The following MICU2 variants were observed in gnomAD, a reference collection of about 807,000 sequenced individuals.
MICU2 encodes calcium uptake protein 2, mitochondrial.
In MICU2, 64 loss-of-function variants were observed where a neutral mutation model predicts 60.4. That is an observed-to-expected ratio of 1.06 (90% CI 0.87 to 1.31). The LOEUF (loss-of-function observed/expected upper bound fraction) is 1.31. Among genes scored for constraint, MICU2 ranks in the 50% most tolerant of loss-of-function variants. MICU2 has a pLI of 0.00. For synonymous variants in MICU2, 201 were observed against 175.0 expected (o/e 1.15, Z -1.17); for missense variants, 569 against 531.0 (o/e 1.07, Z -0.70).
At chr13:21,510,204 AC>A in intron 7 of MICU2, 103 bp from the exon 8 acceptor site, 1 of 495,708 alleles carries the variant, frequency 2.0e-6, no homozygotes, top group Non-Finnish European at 3.2e-6. Flanking sequence ...GATTCTTCTT[AC>A]AGCAACAACA....
chr13:21,585,002 T>C (rs574589424), intron 1 of MICU2, among the ~76,000 whole-genome samples: 1 of 152,348 alleles, frequency 6.6e-6, no homozygotes, highest in South Asian at 2.1e-4. Context: ...AAATATACTT[T>C]GCTGTTACAA....
chr13:21,539,301 C>T lies in MICU2; in HGVS notation c.466+1G>A, dbSNP rs759889322. 13 of 1,613,054 alleles carry T rather than the reference C, an allele frequency of 8.1e-6. No homozygotes were observed. Among genetic ancestry groups the T allele is most frequent in the Non-Finnish European group, 1.1e-5 (13 of 1,179,584 alleles). ...GAAATTTAACAACAAACCAAAATTA[C>T]CTTTATCGCCAAGGTCTCTGAAAAA... On this transcript the variant is annotated splice_donor_variant, in intron 4 of 11. Transcript: ENST00000382374. LOFTEE classifies it high-confidence loss of function.
chr13:21,493,260 C>T lies in MICU2; in HGVS notation c.1294G>A (p.Gly432Ser). 7.5e-6 allele frequency: 12 copies of T among 1,600,642 alleles called. No individual in the cohort carries two copies. Among genetic ancestry groups the T allele is most frequent in the Non-Finnish European group, 8.5e-6 (10 of 1,174,956 alleles). ...VKEVWKQAGK[G>S]LF ...TATTATATCTTTTATTAAAAAAGAC[C>T]TTTTCCAGCTTGTTTCCAGACTTCT... is the stretch of plus-strand genomic sequence containing the variant. The change falls in exon 12 of 12, where the codon GGT (glycine) becomes AGT (serine). Residue 432 changes from glycine (G) to serine (S), a missense_variant. Gly to Ser is a moderately conservative substitution (Grantham distance 56). Coordinates refer to ENST00000382374, the MANE Select transcript of MICU2 (RefSeq NM_152726.3).
intron 5 of MICU2, 68 bp from the exon 6 acceptor site, chr13:21,521,395 C>T (rs1219235166): frequency 7.7e-7 from 1 of 1,306,310 alleles, no homozygotes; most frequent in Admixed American, 2.2e-5. Flanking sequence ...ATAGATAGGT[C>T]TTCAAATTTG....
intron 8 of MICU2, among the ~76,000 whole-genome samples, chr13:21,509,612 T>C (rs1031114295): frequency 6.6e-6 from 1 of 152,234 alleles, no homozygotes; most frequent in Non-Finnish European, 1.5e-5. Context: ...CAGCCAATCC[T>C]GTTCCAATCA....
intron 2 of MICU2, among the ~76,000 whole-genome samples, chr13:21,544,904 A>G: frequency 6.6e-6 from 1 of 152,160 alleles, no homozygotes; most frequent in South Asian, 2.1e-4. Context: ...CTCCCACCTC[A>G]GCCTCCCAAA....
At chr13:21,558,487 A>G (rs982876539) in intron 2 of MICU2, among the ~76,000 whole-genome samples, 2 of 152,170 alleles carry the variant, frequency 1.3e-5, no homozygotes, top group African/African-American at 4.8e-5. Context: ...ATGTCCTCCC[A>G]ATTACCTTTC....
At chr13:21,516,221 T>G (rs936354947) in intron 6 of MICU2, among the ~76,000 whole-genome samples, 1 of 152,226 alleles carries the variant, frequency 6.6e-6, no homozygotes, top group Non-Finnish European at 1.5e-5. Context: ...CAATCCTGGT[T>G]TCTCTTTTAT....
intron 6 of MICU2, among the ~76,000 whole-genome samples, chr13:21,517,770 G>GACACACACACACACACAC (rs374373614): frequency 2.8e-5 from 4 of 144,504 alleles, no homozygotes; most frequent in African/African-American, 1.0e-4. Flanking sequence ...ACAGAGCGAG[G>GACACACACACACACACAC]ACACACACAC....
intron 2 of MICU2, among the ~76,000 whole-genome samples, chr13:21,549,180 T>C (rs547166160): frequency 7.5e-4 from 114 of 152,134 alleles, no homozygotes; most frequent in Non-Finnish European, 1.4e-3. Flanking sequence ...CCGCCCGCCT[T>C]GGCCTCCCAA....
At chr13:21,584,932 G>T (rs1888426356) in intron 1 of MICU2, among the ~76,000 whole-genome samples, 1 of 152,110 alleles carries the variant, frequency 6.6e-6, no homozygotes, top group African/African-American at 2.4e-5. Flanking sequence ...TATAGAACAA[G>T]AACAAACAGT....
chr13:21,578,787 A>C (rs756740310), intron 1 of MICU2, among the ~76,000 whole-genome samples: 29 of 152,196 alleles, frequency 1.9e-4, no homozygotes, highest in Non-Finnish European at 3.5e-4. Context: ...AAATTACTGC[A>C]TATTGCTAAT....
chr13:21,586,661 C>G (rs912771862), intron 1 of MICU2, among the ~76,000 whole-genome samples: 9 of 152,142 alleles, frequency 5.9e-5, no homozygotes, highest in African/African-American at 1.9e-4. Context: ...ATCCTCCTGC[C>G]TCGGCCTTCA....
intron 1 of MICU2, among the ~76,000 whole-genome samples, chr13:21,579,339 C>G (rs1477744917): frequency 8.8e-6 from 1 of 113,738 alleles, no homozygotes; most frequent in East Asian, 3.6e-4. Flanking sequence ...AAGCAAAGCT[C>G]TGCCTTTTTT....
chr13:21,588,828 C>T (rs1202315773), intron 1 of MICU2, among the ~76,000 whole-genome samples: 3 of 152,144 alleles, frequency 2.0e-5, no homozygotes, highest in Non-Finnish European at 4.4e-5. Context: ...TGTTTAGACA[C>T]AATTAGAATC....
At chr13:21,579,726 T>C (rs1888306262) in intron 1 of MICU2, among the ~76,000 whole-genome samples, 1 of 152,206 alleles carries the variant, frequency 6.6e-6, no homozygotes, top group Non-Finnish European at 1.5e-5. Context: ...TCTCCCTTTC[T>C]GCTTTTACCT....
At chr13:21,586,124 T>C (rs1440123511) in intron 1 of MICU2, among the ~76,000 whole-genome samples, 1 of 152,190 alleles carries the variant, frequency 6.6e-6, no homozygotes, top group Non-Finnish European at 1.5e-5. Flanking sequence ...TCAGCTCTCA[T>C]GGTTCAGTTT....
Position 21,496,085 on chromosome 13 carries a change from T to A in MICU2, c.1009A>T (p.Met337Leu), listed in dbSNP as rs1885989398. 14 of 1,614,014 alleles carry A rather than the reference T, an allele frequency of 8.7e-6. No individual in the cohort carries two copies. The highest frequency in any genetic ancestry group is 1.2e-5 in the Non-Finnish European group (14 of 1,179,934). Residue 337 changes from methionine to leucine, a missense_variant, in exon 10 of 12, where the codon ATG becomes TTG. By Grantham distance (15) the Met-to-Leu change is conservative. Transcript: ENST00000382374. ...ACAGGACGATGAGCTAAACTGAACA[T>A]CTGCATGGCAATAGCAAAGTCTTCC... ...HLEDFAIAMQMFSLAHRPVRL... is the reference protein window; with the variant it reads ...HLEDFAIAMQLFSLAHRPVRL...
chr13:21,504,366 T>G (rs1298472413), intron 8 of MICU2, among the ~76,000 whole-genome samples: 2 of 152,036 alleles, frequency 1.3e-5, no homozygotes, highest in African/African-American at 4.8e-5. Context: ...ATTACTAACT[T>G]GTTCCTTTCC....
Sources: allele counts gnomAD v4.1 joint callset (sites outside exome capture counted in the v4.1 genomes callset), GRCh38; gene constraint gnomAD v4.1.1; transcripts MANE v1.5; gene names NCBI Gene and HGNC (gene_info 2026-07-23, HGNC 2026-07-21).